Variants in RAPGEF2 observed in about 807,000 individuals in gnomAD.
RAPGEF2 encodes the protein Rap guanine nucleotide exchange factor 2.
A neutral mutation model predicts 186.7 loss-of-function variants in RAPGEF2; 54 were observed. The ratio of observed to expected loss-of-function variants is 0.29; its 90% confidence interval spans 0.23 to 0.36. The LOEUF (loss-of-function observed/expected upper bound fraction) is 0.36, where lower values mean the gene tolerates loss of function less well. Among genes scored for constraint, RAPGEF2 ranks in the 10% least tolerant of loss-of-function variants. The pLI is 1.00. For missense variants in RAPGEF2, 1,532 were observed against 2,045.0 expected, an observed-to-expected ratio of 0.75 and a Z score of 4.84; for synonymous variants, 712 against 705.9, an observed-to-expected ratio of 1.01 and a Z score of -0.14.
intron 7 of RAPGEF2, among the ~76,000 whole-genome samples, chr4:159,264,661 A>G (rs1757232001): frequency 6.6e-6 from 1 of 152,092 alleles, no homozygotes; most frequent in African/African-American, 2.4e-5. Flanking sequence ...ATACATTCCC[A>G]TTGTTTTTGC....
intron 4 of RAPGEF2, chr4:159,228,104 T>C (rs1389415230): frequency 2.0e-5 from 3 of 152,152 alleles, no homozygotes; most frequent in African/African-American, 7.2e-5. Context: ...ATGAGGCTGG[T>C]ATGCGAAAAG....
At chr4:159,198,430 C>T (rs913125776) in intron 3 of RAPGEF2, among the ~76,000 whole-genome samples, 4 of 69,760 alleles carry the variant, frequency 5.7e-5, no homozygotes, top group Non-Finnish European at 1.1e-4. Flanking sequence ...CTCTCTCTCT[C>T]TCTTTCTTTC....
At chr4:159,342,862 GC>G in intron 20 of RAPGEF2, 116 bp from the exon 21 acceptor site, 2 of 920,174 alleles carry the variant, frequency 2.2e-6, no homozygotes, top group Non-Finnish European at 3.2e-6. Context: ...TTCTTATGCA[GC>G]CTTCTGTAAA....
At chr4:159,266,108 G>GGTCCTCC (rs1203485471) in intron 7 of RAPGEF2, among the ~76,000 whole-genome samples, 50 of 152,106 alleles carry the variant, frequency 3.3e-4, no homozygotes, top group Non-Finnish European at 6.2e-4. Context: ...ACATTTAAAA[G>GGTCCTCC]CTGGTGGGGA....
chr4:159,348,535 G>T (rs957331362), intron 25 of RAPGEF2, among the ~76,000 whole-genome samples: 1 of 152,082 alleles, frequency 6.6e-6, no homozygotes. Flanking sequence ...AAATATTTGT[G>T]TTGATCCTCT....
At chr4:159,309,665 A>G (rs1379821349) in intron 8 of RAPGEF2, among the ~76,000 whole-genome samples, 1 of 152,224 alleles carries the variant, frequency 6.6e-6, no homozygotes, top group Non-Finnish European at 1.5e-5. Context: ...TTAATGCCTA[A>G]GTTAGTAATA....
At chr4:159,237,907 A>C (rs967212526) in intron 4 of RAPGEF2, among the ~76,000 whole-genome samples, 2 of 148,004 alleles carry the variant, frequency 1.4e-5, no homozygotes, top group African/African-American at 5.0e-5. Context: ...AGTCCCAGCT[A>C]CTTGGGAGTC....
chr4:159,203,474 T>C (rs1223420706), intron 3 of RAPGEF2, among the ~76,000 whole-genome samples: 2 of 152,166 alleles, frequency 1.3e-5, no homozygotes, highest in African/African-American at 4.8e-5. Flanking sequence ...CACAGGGCAC[T>C]GGGAAGCTGG....
intron 1 of RAPGEF2, among the ~76,000 whole-genome samples, chr4:159,175,462 A>T (rs186516908): frequency 4.6e-5 from 7 of 152,252 alleles, no homozygotes; most frequent in African/African-American, 1.7e-4. Context: ...CTTTACAAAG[A>T]TCTGGGGAGG....
chr4:159,163,346 T>C (rs960811073), intron 1 of RAPGEF2, among the ~76,000 whole-genome samples: 1 of 152,220 alleles, frequency 6.6e-6, no homozygotes, highest in Non-Finnish European at 1.5e-5. Flanking sequence ...AGACATTTTA[T>C]TGTGAGGTAT....
At chr4:159,289,585 C>T (rs774951454) in intron 7 of RAPGEF2, among the ~76,000 whole-genome samples, 2 of 152,032 alleles carry the variant, frequency 1.3e-5, no homozygotes, top group Admixed American at 6.6e-5. Context: ...GTTACCAGTT[C>T]AATGATCTGC....
In RAPGEF2 at chr4:159,293,033, CAA is replaced by C. The variant is rs1467208837; in HGVS notation, c.544-11307_544-11306del. 9.9e-5 allele frequency among the ~76,000 whole-genome samples: 15 copies of C among 151,998 alleles called. 1 individual carries two copies. The East Asian group carries it at 2.9e-3, about 29-fold the overall frequency. ...ATGCTAGATTTATCTCAACTTTACA[CAA>C]AGACAAATATGAAGTATACTTAGCA... is the stretch of plus-strand genomic sequence containing the variant. On this transcript the variant is annotated intron_variant, in intron 7 of 29. Coordinates refer to ENST00000691494, the MANE Select transcript of RAPGEF2 (RefSeq NM_001394067.2).
At chr4:159,226,697 A>G (rs952431094) in intron 4 of RAPGEF2, among the ~76,000 whole-genome samples, 2 of 152,134 alleles carry the variant, frequency 1.3e-5, no homozygotes, top group African/African-American at 4.8e-5. Flanking sequence ...CACATTCTTC[A>G]TTGTATTTAT....
At chr4:159,231,461 T>G (rs940711623) in intron 4 of RAPGEF2, among the ~76,000 whole-genome samples, 1 of 151,970 alleles carries the variant, frequency 6.6e-6, no homozygotes, top group African/African-American at 2.4e-5. Context: ...GTTTCTCACA[T>G]GAATCATATA....
At chr4:159,263,154 G>A (rs1757060749) in intron 7 of RAPGEF2, among the ~76,000 whole-genome samples, 1 of 152,090 alleles carries the variant, frequency 6.6e-6, no homozygotes, top group Non-Finnish European at 1.5e-5. Context: ...AAGGACTTGT[G>A]TGAGGTATAC....
chr4:159,295,734 TGTGTGTGTGTGTGTGTGTGTGCGCGC>T (rs1761876238), intron 7 of RAPGEF2, among the ~76,000 whole-genome samples: 2 of 129,728 alleles, frequency 1.5e-5, no homozygotes, highest in Non-Finnish European at 3.2e-5. Flanking sequence ...TGTGTGTGTG[TGTGTGTGTGTGTGTGTGTGTGCGCGC>T]GCGCGCGCGC....
intron 3 of RAPGEF2, 92 bp downstream of exon 3, chr4:159,193,348 G>C: frequency 1.7e-6 from 1 of 585,110 alleles, no homozygotes; most frequent in East Asian, 3.4e-5. Flanking sequence ...AGCTGGCTAA[G>C]TCAGCACTAA....
chr4:159,296,338 ATGAG>A (rs1762026188), intron 7 of RAPGEF2, among the ~76,000 whole-genome samples: 1 of 152,232 alleles, frequency 6.6e-6, no homozygotes, highest in Non-Finnish European at 1.5e-5. Flanking sequence ...TTAAAGTTTC[ATGAG>A]TGAGAAATTA....
intron 7 of RAPGEF2, among the ~76,000 whole-genome samples, chr4:159,303,392 A>G (rs1407461141): frequency 2.6e-5 from 4 of 152,144 alleles, no homozygotes; most frequent in Non-Finnish European, 4.4e-5. Flanking sequence ...ATGCAGGAAA[A>G]AGGGAGTGTT....
Sources: gnomAD v4.1 joint callset for allele counts (sites outside exome capture counted in the v4.1 genomes callset) on GRCh38, gnomAD v4.1.1 for gene constraint, MANE v1.5 for transcripts, NCBI Gene and HGNC (gene_info 2026-07-23, HGNC 2026-07-21) for gene names.